Variants in RNF216 observed in about 807,000 individuals in gnomAD.
RNF216 encodes E3 ubiquitin-protein ligase RNF216.
In RNF216, 72 loss-of-function variants were observed where a neutral mutation model predicts 110.8. That is an observed-to-expected ratio of 0.65 (90% CI 0.54 to 0.79). RNF216 has a LOEUF of 0.79. Among genes scored for constraint, RNF216 ranks in the 30% least tolerant of loss-of-function variants. The probability of loss-of-function intolerance (pLI) is 0.00; values close to 1 mark genes in which losing one functional copy is unlikely to be tolerated. For missense variants in RNF216, 1,342 were observed against 1,141.2 expected, an observed-to-expected ratio of 1.18 and a Z score of -2.54; for synonymous variants, 495 against 407.5, an observed-to-expected ratio of 1.21 and a Z score of -2.59.
chr7:5,716,564 C>G, intron 10 of RNF216, 152 bp downstream of exon 10: 1 of 582,468 alleles, frequency 1.7e-6, no homozygotes, highest in Non-Finnish European at 3.1e-6. Flanking sequence ...TATACTAGAT[C>G]ACGTATCTGA....
At chr7:5,686,240 A>T (rs1415156080) in intron 13 of RNF216, among the ~76,000 whole-genome samples, 3 of 151,462 alleles carry the variant, frequency 2.0e-5, no homozygotes, top group Non-Finnish European at 4.4e-5. Context: ...AAAAAAAAAA[A>T]AAAAAAAATG....
At chr7:5,764,062 G>A (rs938781583) in intron 1 of RNF216, among the ~76,000 whole-genome samples, 2 of 151,902 alleles carry the variant, frequency 1.3e-5, no homozygotes, top group East Asian at 1.9e-4. Context: ...GTGGTGGCAG[G>A]TGCCTGTAAT....
intron 2 of RNF216, among the ~76,000 whole-genome samples, chr7:5,754,284 T>C (rs147399057): frequency 1.3e-5 from 2 of 151,944 alleles, no homozygotes; most frequent in Non-Finnish European, 2.9e-5. Flanking sequence ...GCTTCCCAAG[T>C]AGCTAGGACA....
intron 13 of RNF216, among the ~76,000 whole-genome samples, chr7:5,708,758 A>G (rs2128626733): frequency 6.6e-6 from 1 of 152,208 alleles, no homozygotes; most frequent in Middle Eastern, 3.4e-3. Flanking sequence ...TTTTGGCCTC[A>G]GCAGCTCCAA....
chr7:5,755,020 C>G (rs1795545612), intron 2 of RNF216, among the ~76,000 whole-genome samples: 1 of 145,092 alleles, frequency 6.9e-6, no homozygotes, highest in Non-Finnish European at 1.5e-5. Context: ...AGAGCAAGAC[C>G]CTATCTCAGG....
At chr7:5,660,950 T>G (rs978686878) in intron 13 of RNF216, among the ~76,000 whole-genome samples, 10 of 143,318 alleles carry the variant, frequency 7.0e-5, no homozygotes, top group African/African-American at 8.1e-5. Context: ...TAGGTTTTTT[T>G]TTTTTTTTTT....
At chr7:5,657,423 T>C (rs1788815421) in intron 13 of RNF216, among the ~76,000 whole-genome samples, 1 of 152,028 alleles carries the variant, frequency 6.6e-6, no homozygotes, top group Non-Finnish European at 1.5e-5. Flanking sequence ...CAAAATTAGC[T>C]GGGCGTGGTG....
intron 5 of RNF216, chr7:5,733,027 T>C (rs1794182284): frequency 6.6e-6 from 1 of 152,232 alleles, no homozygotes; most frequent in African/African-American, 2.4e-5. Context: ...GACGGTTCCA[T>C]CTGAAGGCCA....
chr7:5,685,993 C>T (rs1584449892), intron 13 of RNF216, among the ~76,000 whole-genome samples: 1 of 152,116 alleles, frequency 6.6e-6, no homozygotes, highest in East Asian at 1.9e-4. Flanking sequence ...GAGGCTGAGG[C>T]GGACGGATCA....
At chr7:5,669,567 G>GT (rs1475057328) in intron 13 of RNF216, among the ~76,000 whole-genome samples, 6 of 152,166 alleles carry the variant, frequency 3.9e-5, no homozygotes, top group African/African-American at 7.2e-5. Context: ...CCTAAACTTT[G>GT]TATCAAATCT....
At chr7:5,682,501 G>C (rs1790724914) in intron 13 of RNF216, among the ~76,000 whole-genome samples, 2 of 151,258 alleles carry the variant, frequency 1.3e-5, no homozygotes, top group South Asian at 2.1e-4. Flanking sequence ...CCTGCTTCCT[G>C]GGTTCAAGCG....
At chr7:5,736,843 G>T (rs1344604413) in intron 5 of RNF216, among the ~76,000 whole-genome samples, 1 of 150,312 alleles carries the variant, frequency 6.7e-6, no homozygotes, top group African/African-American at 2.5e-5. Flanking sequence ...CCTCCGCCCC[G>T]CAGCCACCCC....
Position 5,741,649 on chromosome 7 carries a change from G to GC in RNF216, c.367dup (p.Ala123GlyfsTer4). Reference sequence around the variant, plus strand: ...GTAGTCATCCTCAGAATCATCCTGTGCCCCAGAATCAAACAATGGGTTGTT... The same window carrying GC: ...GTAGTCATCCTCAGAATCATCCTGTGCCCCCAGAATCAAACAATGGGTTGTT... On this transcript the variant is annotated frameshift_variant, in exon 4 of 17. Transcript: ENST00000389902. LOFTEE classifies it high-confidence loss of function. 6.2e-7 allele frequency: 1 copy of GC among 1,614,062 alleles called. No individual in the cohort carries two copies.
intron 3 of RNF216, among the ~76,000 whole-genome samples, chr7:5,751,897 C>A (rs1236832488): frequency 2.0e-5 from 2 of 98,656 alleles, no homozygotes; most frequent in African/African-American, 7.7e-5. Flanking sequence ...TTAAAAAGTA[C>A]AATGAAAGGG....
At chr7:5,775,646 G>C (rs1357121956) in intron 1 of RNF216, among the ~76,000 whole-genome samples, 4 of 151,928 alleles carry the variant, frequency 2.6e-5, no homozygotes, top group African/African-American at 2.4e-5. Flanking sequence ...GAGGTGAGTG[G>C]ATTATTTGAG....
chr7:5,667,547 G>T (rs747276324), intron 13 of RNF216, among the ~76,000 whole-genome samples: 2 of 152,216 alleles, frequency 1.3e-5, no homozygotes, highest in African/African-American at 4.8e-5. Flanking sequence ...GCAGGGCCAT[G>T]CATAGGAAGC....
chr7:5,705,979 A>C (rs936846687), intron 13 of RNF216, among the ~76,000 whole-genome samples: 2 of 151,656 alleles, frequency 1.3e-5, no homozygotes, highest in African/African-American at 4.9e-5. Context: ...CCACTCTGGG[A>C]GGCCGAAGCA....
chr7:5,638,537 C>A (rs530656381), intron 15 of RNF216, among the ~76,000 whole-genome samples: 1 of 152,164 alleles, frequency 6.6e-6, no homozygotes, highest in Non-Finnish European at 1.5e-5. Context: ...AAACTACCTA[C>A]CAGCAGCCAG....
intron 13 of RNF216, among the ~76,000 whole-genome samples, chr7:5,701,063 G>A (rs1791935933): frequency 6.6e-6 from 1 of 152,176 alleles, no homozygotes; most frequent in Admixed American, 6.5e-5. Flanking sequence ...GAGCACAGCA[G>A]TGCTGTGGAC....
Sources: gnomAD v4.1 joint callset for allele counts (sites outside exome capture counted in the v4.1 genomes callset) on GRCh38, gnomAD v4.1.1 for gene constraint, MANE v1.5 for transcripts, NCBI Gene and HGNC (gene_info 2026-07-23, HGNC 2026-07-21) for gene names.